CCDC149: variants seen among roughly 807,000 people sequenced by gnomAD.
CCDC149 encodes coiled-coil domain-containing protein 149.
A neutral mutation model predicts 59.9 loss-of-function variants in CCDC149; 45 were observed. The observed-to-expected ratio is 0.75, with a 90% CI of 0.59 to 0.96. The LOEUF is 0.96. Ranked by LOEUF, CCDC149 falls within the 40% of genes least tolerant of loss-of-function variation. The pLI, the probability that CCDC149 is intolerant of heterozygous loss-of-function variation, is 0.00. For synonymous variants in CCDC149, 245 were observed against 260.6 expected (o/e 0.94, Z 0.58); for missense variants, 584 against 664.7 (o/e 0.88, Z 1.33).
chr4:24,975,878 G>A (rs1266033862), intron 1 of CCDC149, among the ~76,000 whole-genome samples: 2 of 151,880 alleles, frequency 1.3e-5, no homozygotes, highest in African/African-American at 4.8e-5. Flanking sequence ...TTTAACTCAA[G>A]CCTGGTTGGG....
chr4:24,953,477 G>A (rs530816295), intron 1 of CCDC149, among the ~76,000 whole-genome samples: 17 of 152,260 alleles, frequency 1.1e-4, no homozygotes, highest in African/African-American at 3.1e-4. Flanking sequence ...AAGTGACTGC[G>A]CATAGCCAGG....
chr4:24,839,696 G>A (rs1716817962), intron 4 of CCDC149, among the ~76,000 whole-genome samples: 1 of 152,132 alleles, frequency 6.6e-6, no homozygotes, highest in Non-Finnish European at 1.5e-5. Context: ...TGTGTGAGAG[G>A]CCCAAGAAGG....
chr4:24,925,353 A>G (rs1722409466), intron 1 of CCDC149, among the ~76,000 whole-genome samples: 1 of 152,144 alleles, frequency 6.6e-6, no homozygotes, highest in Admixed American at 6.5e-5. Flanking sequence ...GAAATACTTC[A>G]GTATGCAATT....
At chr4:24,805,094 A>T (rs529035564), downstream of CCDC149, among the ~76,000 whole-genome samples, 2 of 152,310 alleles carry the variant, frequency 1.3e-5, no homozygotes, top group South Asian at 4.2e-4. Context: ...TACAGGCCTT[A>T]ATCAAAAGAA....
Position 24,837,268 on chromosome 4 carries a change from TCTCGTGCCC to T in CCDC149, c.613_621del (p.Gly205_Glu207del). 6.2e-7 allele frequency: 1 copy of T among 1,614,234 alleles called. No individual in the cohort carries two copies. The highest frequency in any genetic ancestry group is 1.1e-5 in the South Asian group (1 of 91,080). On this transcript the variant is annotated inframe_deletion, in exon 6 of 13. Transcript: ENST00000635206. This position sits in a 1 kb window ranked among gnomAD's most constrained non-coding sequence, Gnocchi z 4.3. ...AGGGCGTCCACGTCAATGATGCGGT[TCTCGTGCCC>T]ACTCAGGATATGGTTCAGCTCCTGG... is the stretch of plus-strand genomic sequence containing the variant.
At chr4:24,804,486 CAA>C (rs397796144), downstream of CCDC149, among the ~76,000 whole-genome samples, 224 of 57,118 alleles carry the variant, frequency 3.9e-3, 2 homozygotes, top group East Asian at 0.043. Context: ...GTGAGACTCT[CAA>C]AAAAAAAAAA....
Position 24,836,648 on chromosome 4 carries a change from G to A in CCDC149, c.663-140C>T, listed in dbSNP as rs527676824. 150 of 596,254 alleles carry A rather than the reference G, an allele frequency of 2.5e-4. 1 individual carries two copies. The highest frequency in any genetic ancestry group is 3.9e-4 in the Non-Finnish European group (131 of 333,666). The allele number at this position is 596,254 out of a possible 1,614,324, so 36.9% of individuals were successfully genotyped here. ...AACACCTTGCCTGCTCACCAGAGAGGAGAAACATGTGCATCTTTGTGACCT... is the reference window on the plus strand; with the variant it reads ...AACACCTTGCCTGCTCACCAGAGAGAAGAAACATGTGCATCTTTGTGACCT... On this transcript the variant is annotated intron_variant, in intron 6 of 12. Transcript: ENST00000635206.
At chr4:24,896,237 C>G (rs1271206712) in intron 1 of CCDC149, among the ~76,000 whole-genome samples, 2 of 152,204 alleles carry the variant, frequency 1.3e-5, no homozygotes, top group African/African-American at 4.8e-5. Flanking sequence ...CCTGCTCAGT[C>G]TAATCCACAA....
chr4:24,954,993 T>TAGTTA (rs1663842525), intron 1 of CCDC149, among the ~76,000 whole-genome samples: 1 of 152,232 alleles, frequency 6.6e-6, no homozygotes, highest in South Asian at 2.1e-4. Context: ...TTATTATAAG[T>TAGTTA]AGTTAAGATA....
chr4:24,894,201 T>C (rs535456953), intron 1 of CCDC149, among the ~76,000 whole-genome samples: 75 of 152,284 alleles, frequency 4.9e-4, no homozygotes, highest in African/African-American at 1.7e-3. Context: ...TCATATAGGT[T>C]CCTGAATTGA....
chr4:24,853,315 G>T (rs890894685), intron 3 of CCDC149, 136 bp from the exon 4 acceptor site: 2 of 678,326 alleles, frequency 2.9e-6, no homozygotes, highest in Non-Finnish European at 2.6e-6. Flanking sequence ...ACACATATAT[G>T]AATGCAGCCA....
At chr4:24,904,685 G>GA (rs1721369473) in intron 1 of CCDC149, among the ~76,000 whole-genome samples, 1 of 152,140 alleles carries the variant, frequency 6.6e-6, no homozygotes, top group South Asian at 2.1e-4. Flanking sequence ...CTGCGTCCCT[G>GA]TCAGCCCTTA....
chr4:24,951,528 T>C (rs1723292363), intron 1 of CCDC149, among the ~76,000 whole-genome samples: 1 of 152,120 alleles, frequency 6.6e-6, no homozygotes, highest in Non-Finnish European at 1.5e-5. Flanking sequence ...GGAACAAAAT[T>C]AGCATTATTA....
At chr4:24,940,363 C>A (rs1390836062) in intron 1 of CCDC149, among the ~76,000 whole-genome samples, 112 of 152,226 alleles carry the variant, frequency 7.4e-4, no homozygotes, top group Admixed American at 5.2e-4. Context: ...TTTGTCACCA[C>A]CAGGCCTGCC....
intron 1 of CCDC149, among the ~76,000 whole-genome samples, chr4:24,895,959 G>A (rs1370014168): frequency 6.6e-6 from 1 of 152,210 alleles, no homozygotes; most frequent in Non-Finnish European, 1.5e-5. Context: ...TTTAGATCAG[G>A]TTAGCAGAAG....
chr4:24,934,890 G>A (rs1031320871), intron 1 of CCDC149, among the ~76,000 whole-genome samples: 4 of 152,246 alleles, frequency 2.6e-5, no homozygotes, highest in African/African-American at 9.6e-5. Context: ...TGGAGACAGA[G>A]AGGTAGTCAG....
chr4:24,895,228 C>T, intron 1 of CCDC149: 2 of 598,528 alleles, frequency 3.3e-6, no homozygotes, highest in Non-Finnish European at 6.0e-6. Context: ...GCATAGGAAG[C>T]CTTCTGGGGA....
chr4:24,958,676 G>A (rs904373072), intron 1 of CCDC149, among the ~76,000 whole-genome samples: 16 of 152,052 alleles, frequency 1.1e-4, no homozygotes, highest in Non-Finnish European at 1.8e-4. Flanking sequence ...TGGATGATTC[G>A]ATATTGCAGA....
rs183753142 is a variant in CCDC149 at position 24,961,536 on chromosome 4, A to T, written c.-65+18533T>A. Among the ~76,000 whole-genome samples the T allele has an allele frequency of 1.6e-4, 25 of 152,330 alleles. No individual in the cohort carries two copies. In the East Asian group the frequency reaches 4.6e-3, roughly 28 times the overall value. On this transcript the variant is annotated intron_variant, in intron 1 of 12. Coordinates refer to the CCDC149 transcript ENST00000389609. ...AAGCCAAAATAACAAAGCTGGAGGCATCATGCTACCTGACTTCAAGCTGCA... is the reference window on the plus strand; with the variant it reads ...AAGCCAAAATAACAAAGCTGGAGGCTTCATGCTACCTGACTTCAAGCTGCA...
Sources: gnomAD v4.1 joint callset for allele counts (sites outside exome capture counted in the v4.1 genomes callset) on GRCh38, gnomAD v4.1.1 for gene constraint, Gnocchi (gnomAD v3.1) non-coding constraint, MANE v1.5 for transcripts, NCBI Gene and HGNC (gene_info 2026-07-23, HGNC 2026-07-21) for gene names.